TTLL5: variants seen among roughly 807,000 people sequenced by gnomAD.
The protein encoded by TTLL5 is tubulin tyrosine ligase like 5.
Under a neutral mutation model 168.4 loss-of-function variants are expected in TTLL5, and 132 were observed. That is an observed-to-expected ratio of 0.78 (90% CI 0.68 to 0.91). TTLL5 has a LOEUF of 0.91. TTLL5 is among the 40% of genes least tolerant of loss of function. TTLL5 has a pLI of 0.00. For missense variants in TTLL5, 1,545 were observed against 1,581.5 expected (o/e 0.98, Z 0.39); for synonymous variants, 546 against 558.6 (o/e 0.98, Z 0.32).
chr14:75,861,932 A>G (rs2030036971), intron 28 of TTLL5, among the ~76,000 whole-genome samples: 3 of 152,194 alleles, frequency 2.0e-5, no homozygotes, highest in African/African-American at 7.2e-5. Flanking sequence ...CTGTTTTGCA[A>G]CTATTAGCCA....
chr14:75,725,459 G>C (rs1305150304), intron 12 of TTLL5, among the ~76,000 whole-genome samples: 6 of 152,090 alleles, frequency 3.9e-5, no homozygotes, highest in Non-Finnish European at 8.8e-5. Context: ...CCTTTAATTT[G>C]GTTTCACTGG....
intron 6 of TTLL5, among the ~76,000 whole-genome samples, chr14:75,694,967 T>C (rs1885735384): frequency 6.6e-6 from 1 of 152,210 alleles, no homozygotes; most frequent in Non-Finnish European, 1.5e-5. Context: ...AGCATGTGTT[T>C]AAACAATATG....
intron 18 of TTLL5, among the ~76,000 whole-genome samples, chr14:75,763,704 A>T: frequency 6.6e-6 from 1 of 152,150 alleles, no homozygotes; most frequent in Admixed American, 6.5e-5. Flanking sequence ...TGACTTGGTT[A>T]TGGCTGCCTC....
chr14:75,731,586 G>C (rs1009892688), intron 12 of TTLL5, among the ~76,000 whole-genome samples: 1 of 152,158 alleles, frequency 6.6e-6, no homozygotes, highest in African/African-American at 2.4e-5. Flanking sequence ...TGGGAAGGTA[G>C]AGAAAGAGAA....
chr14:75,686,394 T>C (rs1885055088), intron 5 of TTLL5, among the ~76,000 whole-genome samples: 1 of 152,194 alleles, frequency 6.6e-6, no homozygotes, highest in Non-Finnish European at 1.5e-5. Flanking sequence ...AACCTGGGTC[T>C]TTACTGTAAT....
At chr14:75,665,415 A>G (rs926018881) in intron 2 of TTLL5, among the ~76,000 whole-genome samples, 1 of 152,216 alleles carries the variant, frequency 6.6e-6, no homozygotes, top group Non-Finnish European at 1.5e-5. Context: ...GTGAGGTGTC[A>G]TCATTTAGTG....
chr14:75,806,810 A>T (rs1270926611), intron 27 of TTLL5, among the ~76,000 whole-genome samples: 1 of 152,124 alleles, frequency 6.6e-6, no homozygotes, highest in Non-Finnish European at 1.5e-5. Context: ...TGAGAATTGG[A>T]TCATGTCCAT....
intron 21 of TTLL5, among the ~76,000 whole-genome samples, chr14:75,773,927 T>TATATAAAGAA (rs1354936334): frequency 4.7e-5 from 1 of 21,124 alleles, no homozygotes; most frequent in Non-Finnish European, 9.4e-5. Context: ...TATATATATA[T>TATATAAAGAA]AGAGAGAGAG....
intron 5 of TTLL5, among the ~76,000 whole-genome samples, chr14:75,685,872 A>G (rs1437811478): frequency 6.6e-6 from 1 of 152,184 alleles, no homozygotes; most frequent in African/African-American, 2.4e-5. Flanking sequence ...TGGGTCCTGG[A>G]CCATCTGTAT....
At chr14:75,924,735 T>TC (rs1208357463) in intron 31 of TTLL5, among the ~76,000 whole-genome samples, 3 of 151,592 alleles carry the variant, frequency 2.0e-5, no homozygotes, top group South Asian at 2.1e-4. Flanking sequence ...TCCCCATCCT[T>TC]CCCCCCTTTC....
intron 27 of TTLL5, among the ~76,000 whole-genome samples, chr14:75,813,405 A>G (rs1017683170): frequency 6.6e-6 from 1 of 151,908 alleles, no homozygotes; most frequent in Non-Finnish European, 1.5e-5. Context: ...GCGCTCAAGC[A>G]ATCCTTCCCA....
In TTLL5 at chr14:75,779,693, GC is replaced by G. The variant is rs1891928886; in HGVS notation, c.2507del (p.Ala836GlufsTer9). 4 of 1,611,152 alleles carry G rather than the reference GC, an allele frequency of 2.5e-6. No individual in the cohort carries two copies. Among genetic ancestry groups the G allele is most frequent in the Non-Finnish European group, 3.4e-6 (4 of 1,179,154 alleles). The stretch of plus-strand genomic sequence containing the variant: ...CAACAACAATTATTCTGATAGTGGG[GC>G]AAAAGGTGGTAAGTATACTGGTTAA... ...KNNNNYSDSG[A>X]KGDHPETIME... On this transcript the variant is annotated frameshift_variant, in exon 24 of 32. Coordinates refer to ENST00000298832, the MANE Select transcript of TTLL5 (RefSeq NM_015072.5). LOFTEE classifies it high-confidence loss of function.
At chr14:75,681,672 AAATCCC>A in intron 4 of TTLL5, 45 bp downstream of exon 4, 1 of 1,555,590 alleles carries the variant, frequency 6.4e-7, no homozygotes, top group Non-Finnish European at 8.8e-7. Flanking sequence ...CATAAGCTGA[AAATCCC>A]AGCCACCTAA....
At position 75,783,257 on chromosome 14, in the gene TTLL5, A is replaced by G. The variant is rs1315833604; in HGVS notation, c.2713A>G (p.Thr905Ala). ...CAACACCCATTTGTCATCTGTTACA[A>G]CCTCTGACCTCTCTCCAGGGCCTTG... is the stretch of plus-strand genomic sequence containing the variant. ...IPNTHLSSVT[T>A]SDLSPGPCHH... is the part of the protein sequence containing the mutation. Residue 905 changes from threonine (T) to alanine (A), a missense_variant, in exon 26 of 32, where the codon ACC becomes GCC. By Grantham distance (58) the Thr-to-Ala change is moderately conservative. Transcript: ENST00000298832. 6.8e-6 allele frequency: 11 copies of G among 1,613,980 alleles called. No homozygotes were observed. The highest frequency in any genetic ancestry group is 8.5e-6 in the Non-Finnish European group (10 of 1,179,972).
At chr14:75,728,285 G>A (rs1382216427) in intron 12 of TTLL5, among the ~76,000 whole-genome samples, 1 of 151,432 alleles carries the variant, frequency 6.6e-6, no homozygotes, top group African/African-American at 2.4e-5. Flanking sequence ...GAACCTGGGA[G>A]GTGGAGATTG....
chr14:75,719,403 CTTG>C (rs1195130348), intron 10 of TTLL5, among the ~76,000 whole-genome samples: 7 of 152,190 alleles, frequency 4.6e-5, no homozygotes, highest in Non-Finnish European at 7.3e-5. Flanking sequence ...TGTCTTTTAA[CTTG>C]TTGTAACCAT....
intron 22 of TTLL5, 175 bp from the exon 23 acceptor site, chr14:75,776,572 C>A: frequency 2.1e-6 from 1 of 475,394 alleles, no homozygotes; most frequent in Non-Finnish European, 3.8e-6. Flanking sequence ...TTTACAAAAT[C>A]ATGGCCAAAA....
Position 75,771,792 on chromosome 14 carries a change from A to T in TTLL5, c.2074A>T (p.Met692Leu), listed in dbSNP as rs1243201890. 6.2e-7 allele frequency: 1 copy of T among 1,614,124 alleles called. No homozygotes were observed. The highest frequency in any genetic ancestry group is 8.5e-7 in the Non-Finnish European group (1 of 1,179,982). The change falls in exon 21 of 32, where the codon ATG becomes TTG. Residue 692 changes from methionine (M) to leucine (L), a missense_variant. Transcript: ENST00000298832. Reference protein sequence around the residue: ...AYLQHVQIRLMKDSGGQTFSA... With the variant: ...AYLQHVQIRLLKDSGGQTFSA... ...TCTCCAGCATGTTCAAATTCGCCTG[A>T]TGAAAGACAGTGGCGGTCAGACGTT...
chr14:75,938,107 G>A (rs1466878201), intron 31 of TTLL5, among the ~76,000 whole-genome samples: 2 of 152,158 alleles, frequency 1.3e-5, no homozygotes, highest in African/African-American at 2.4e-5. Context: ...ATTGGTAACT[G>A]AGATAATACT....
Sources: allele counts gnomAD v4.1 joint callset (sites outside exome capture counted in the v4.1 genomes callset), GRCh38; gene constraint gnomAD v4.1.1; transcripts MANE v1.5; gene names NCBI Gene and HGNC (gene_info 2026-07-23, HGNC 2026-07-21).